Variants in BAZ2B observed in about 807,000 individuals in gnomAD.
The protein encoded by BAZ2B is bromodomain adjacent to zinc finger domain protein 2B.
BAZ2B carries 91 observed loss-of-function variants against 246.0 expected under a neutral mutation model. The ratio of observed to expected loss-of-function variants is 0.37; its 90% confidence interval spans 0.31 to 0.44. The LOEUF (loss-of-function observed/expected upper bound fraction) is 0.44. Among genes scored for constraint, BAZ2B ranks in the 20% least tolerant of loss-of-function variants. BAZ2B has a pLI of 1.00. For synonymous variants in BAZ2B, 855 were observed against 860.0 expected, an observed-to-expected ratio of 0.99 and a Z score of 0.10; for missense variants, 2,332 against 2,533.7, an observed-to-expected ratio of 0.92 and a Z score of 1.71.
chr2:159,662,427 C>G, the BAZ2B span, among the ~76,000 whole-genome samples: 2 of 152,226 alleles, frequency 1.3e-5, no homozygotes, highest in African/African-American at 4.8e-5. Flanking sequence ...GTTTTCCACA[C>G]AGTGGCTGAA....
chr2:159,447,425 TAGAGA>T lies in BAZ2B; in HGVS notation c.503-455_503-451del, dbSNP rs567238271. 3.9e-5 allele frequency among the ~76,000 whole-genome samples: 6 copies of T among 152,302 alleles called. No individual in the cohort carries two copies. The South Asian group carries it at 1.2e-3, about 32-fold the overall frequency. ...TTTGTGTTTTAATTGTAAAACACAT[TAGAGA>T]ACTTTGTAAAACACTTCAGTGAAAA... On this transcript the variant is annotated intron_variant, in intron 5 of 36. Coordinates refer to ENST00000392783, the MANE Select transcript of BAZ2B (RefSeq NM_013450.4).
intron 2 of BAZ2B, among the ~76,000 whole-genome samples, chr2:159,529,749 A>G (rs1030328): frequency 0.45 from 68,138 of 151,682 alleles, 16,668 homozygotes; most frequent in Non-Finnish European, 0.56. Flanking sequence ...GCTGTTGTTT[A>G]GTACCTTATC....
At chr2:159,563,563 C>T (rs754257318) in intron 1 of BAZ2B, among the ~76,000 whole-genome samples, 3 of 151,990 alleles carry the variant, frequency 2.0e-5, no homozygotes, top group Non-Finnish European at 2.9e-5. Flanking sequence ...GTAAAATAAG[C>T]CAGTCACAAA....
chr2:159,360,911 A>G (rs972550277), intron 27 of BAZ2B, among the ~76,000 whole-genome samples: 47 of 152,354 alleles, frequency 3.1e-4, no homozygotes, highest in Admixed American at 7.8e-4. Flanking sequence ...CAGAAAACTG[A>G]AACTGGACCC....
chr2:159,488,103 T>G (rs181901713), intron 2 of BAZ2B, among the ~76,000 whole-genome samples: 2 of 152,258 alleles, frequency 1.3e-5, no homozygotes, highest in African/African-American at 4.8e-5. Context: ...AGACAGAGTC[T>G]CACTCTGTTG....
the BAZ2B span, among the ~76,000 whole-genome samples, chr2:159,681,940 A>T: frequency 2.1e-5 from 1 of 46,640 alleles, no homozygotes; most frequent in Non-Finnish European, 6.0e-5. Context: ...AAATAAATTT[A>T]AAAAAAGATT....
At chr2:159,421,800 A>G (rs1471609944) in intron 13 of BAZ2B, among the ~76,000 whole-genome samples, 1 of 152,198 alleles carries the variant, frequency 6.6e-6, no homozygotes. Flanking sequence ...AAATCAAACT[A>G]TCTGTCTTAA....
At chr2:159,601,807 T>TA (rs747390640) in intron 1 of BAZ2B, among the ~76,000 whole-genome samples, 2 of 152,100 alleles carry the variant, frequency 1.3e-5, no homozygotes, top group South Asian at 2.1e-4. Context: ...GGTAATATCA[T>TA]AAAAAAAGTT....
rs543206617 is a variant in BAZ2B, at chr2:159,604,125, G to C, written c.-46+12117C>G. Among the ~76,000 whole-genome samples, 23 of 152,260 alleles carry C rather than the reference G, an allele frequency of 1.5e-4. No homozygotes were observed. In the East Asian group the frequency reaches 4.0e-3, roughly 27 times the overall value. ...CAATGAATATGATTAACTGTAAGAA[G>C]GAATAAGTAACTGGCAAGTTGTACA... On this transcript the variant is annotated intron_variant, in intron 1 of 36. Coordinates refer to ENST00000392783, the MANE Select transcript of BAZ2B (RefSeq NM_013450.4).
chr2:159,563,133 T>G (rs2090042259), intron 1 of BAZ2B, among the ~76,000 whole-genome samples: 1 of 152,110 alleles, frequency 6.6e-6, no homozygotes, highest in African/African-American at 2.4e-5. Flanking sequence ...TTTCAGAAAA[T>G]TTGTATTTTA....
chr2:159,562,721 C>A (rs192191873), intron 1 of BAZ2B, among the ~76,000 whole-genome samples: 212 of 152,238 alleles, frequency 1.4e-3, no homozygotes, highest in Non-Finnish European at 1.2e-3. Context: ...ATTGTAGCAA[C>A]CCACAGTGAG....
the BAZ2B span, among the ~76,000 whole-genome samples, chr2:159,677,845 A>G: frequency 2.0e-5 from 3 of 152,336 alleles, no homozygotes; most frequent in South Asian, 6.2e-4. Flanking sequence ...TTAAACTTAA[A>G]GCTGCATCAA....
At chr2:159,665,798 A>G in the BAZ2B span, among the ~76,000 whole-genome samples, 1 of 152,112 alleles carries the variant, frequency 6.6e-6, no homozygotes, top group African/African-American at 2.4e-5. Context: ...GTGTCAAACC[A>G]TTTTCTAAGG....
chr2:159,434,151 A>AATTATTATTATT (rs34005325), intron 8 of BAZ2B: 3 of 150,448 alleles, frequency 2.0e-5, no homozygotes, highest in Non-Finnish European at 3.0e-5. Flanking sequence ...TAAGTCAAAG[A>AATTATTATTATT]ATTATTATTA....
chr2:159,316,102 C>T (rs1342492890), downstream of BAZ2B, among the ~76,000 whole-genome samples: 3 of 151,768 alleles, frequency 2.0e-5, no homozygotes, highest in Non-Finnish European at 4.4e-5. Flanking sequence ...CATAAGTAGT[C>T]GACTGGAAAG....
the BAZ2B span, among the ~76,000 whole-genome samples, chr2:159,653,921 G>A: frequency 6.6e-6 from 1 of 151,994 alleles, no homozygotes; most frequent in East Asian, 1.9e-4. Context: ...AATTCTACTA[G>A]ATAATCTCAA....
chr2:159,648,578 T>C, the BAZ2B span, among the ~76,000 whole-genome samples: 2 of 152,348 alleles, frequency 1.3e-5, no homozygotes, highest in Non-Finnish European at 2.9e-5. Flanking sequence ...TCATATACTA[T>C]GTATTCTTTT....
chr2:159,516,961 A>G lies in BAZ2B; in HGVS notation c.-2-38240T>C, dbSNP rs183847106. Among the ~76,000 whole-genome samples the G allele has an allele frequency of 2.4e-3, 360 of 152,300 alleles. 2 individuals are homozygous for G. Among genetic ancestry groups the G allele is most frequent in the Non-Finnish European group, 4.4e-3 (301 of 67,980 alleles). On this transcript the variant is annotated intron_variant, in intron 2 of 36. Transcript: ENST00000392783. ...CTAACAAATAAGAATAACTGCTCAA[A>G]AACCTGCCAAAAATAAAGAAAAGTC...
intron 1 of BAZ2B, among the ~76,000 whole-genome samples, chr2:159,585,995 C>T (rs1687932044): frequency 6.6e-6 from 1 of 152,204 alleles, no homozygotes; most frequent in African/African-American, 2.4e-5. Flanking sequence ...ACATTGCTAA[C>T]TCAGAAACTT....
Sources: allele counts gnomAD v4.1 joint callset (sites outside exome capture counted in the v4.1 genomes callset), GRCh38; gene constraint gnomAD v4.1.1; transcripts MANE v1.5; gene names NCBI Gene and HGNC (gene_info 2026-07-23, HGNC 2026-07-21).